Variants in DAB1 observed in about 807,000 individuals in gnomAD.
DAB1 encodes disabled homolog 1.
Under a neutral mutation model 64.6 loss-of-function variants are expected in DAB1, and 15 were observed. That is an observed-to-expected ratio of 0.23 (90% CI 0.16 to 0.36). DAB1 has a LOEUF of 0.36. Among genes scored for constraint, DAB1 ranks in the 10% least tolerant of loss-of-function variants. The pLI, the probability that DAB1 is intolerant of heterozygous loss-of-function variation, is 1.00. For synonymous variants in DAB1, 235 were observed against 251.9 expected (o/e 0.93, Z 0.64); for missense variants, 596 against 706.7 (o/e 0.84, Z 1.78).
At chr1:58,186,299 G>T (rs1657072476) in intron 4 of DAB1, among the ~76,000 whole-genome samples, 1 of 152,182 alleles carries the variant, frequency 6.6e-6, no homozygotes, top group African/African-American at 2.4e-5. Flanking sequence ...CCATAGTGTT[G>T]TTAATGGTAT....
chr1:58,057,403 C>G (rs1648195449), intron 5 of DAB1, among the ~76,000 whole-genome samples: 1 of 152,190 alleles, frequency 6.6e-6, no homozygotes, highest in South Asian at 2.1e-4. Context: ...CGAGGCCATA[C>G]TGGATTAGGG....
At chr1:57,190,101 C>G (rs1230614097) in intron 2 of DAB1, among the ~76,000 whole-genome samples, 2 of 152,166 alleles carry the variant, frequency 1.3e-5, no homozygotes, top group Non-Finnish European at 2.9e-5. Flanking sequence ...GCATTAGAAT[C>G]ACCTGGAGGG....
chr1:57,668,824 AAG>A (rs1646477693), intron 6 of DAB1, among the ~76,000 whole-genome samples: 1 of 152,108 alleles, frequency 6.6e-6, no homozygotes, highest in Non-Finnish European at 1.5e-5. Flanking sequence ...CCGATCCCTG[AAG>A]AGTTTTTGGA....
chr1:57,404,462 T>G (rs1434149289), intron 1 of DAB1, among the ~76,000 whole-genome samples: 1 of 152,190 alleles, frequency 6.6e-6, no homozygotes, highest in East Asian at 1.9e-4. Context: ...CAAGATTAAG[T>G]GAAGGAAGAA....
intron 3 of DAB1, among the ~76,000 whole-genome samples, chr1:58,360,652 A>G (rs1644156266): frequency 6.6e-6 from 1 of 152,146 alleles, no homozygotes; most frequent in Admixed American, 6.5e-5. Flanking sequence ...AGAGACACAC[A>G]GCAAAAGGGT....
chr1:57,278,917 G>A (rs1671680277), intron 2 of DAB1, among the ~76,000 whole-genome samples: 1 of 152,182 alleles, frequency 6.6e-6, no homozygotes, highest in Non-Finnish European at 1.5e-5. Flanking sequence ...GGAATGATCT[G>A]AATGAGAAAA....
chr1:58,213,202 A>G (rs1658647974), intron 4 of DAB1, among the ~76,000 whole-genome samples: 2 of 152,308 alleles, frequency 1.3e-5, no homozygotes, highest in Admixed American at 1.3e-4. Context: ...CAGGCAACTG[A>G]TTCTTTTGTT....
intron 5 of DAB1, among the ~76,000 whole-genome samples, chr1:57,974,035 C>G (rs576343199): frequency 4.4e-4 from 67 of 152,248 alleles, no homozygotes; most frequent in African/African-American, 1.6e-3. Context: ...TATTTCACCC[C>G]ACCCCTGCCT....
intron 1 of DAB1, among the ~76,000 whole-genome samples, chr1:57,341,627 T>G (rs779349078): frequency 6.6e-6 from 1 of 152,208 alleles, no homozygotes; most frequent in African/African-American, 2.4e-5. Flanking sequence ...AAAACTCTTT[T>G]GATTTTTTTT....
At chr1:57,566,179 G>C (rs1645117996) in intron 7 of DAB1, among the ~76,000 whole-genome samples, 2 of 152,040 alleles carry the variant, frequency 1.3e-5, no homozygotes, top group Non-Finnish European at 2.9e-5. Context: ...ATGACTACTG[G>C]GTACATAACA....
At chr1:58,256,733 C>CA (rs1254482111) in intron 4 of DAB1, among the ~76,000 whole-genome samples, 3 of 150,338 alleles carry the variant, frequency 2.0e-5, no homozygotes, top group Admixed American at 6.6e-5. Flanking sequence ...TCCATAGCCC[C>CA]AAAATCTATA....
intron 4 of DAB1, among the ~76,000 whole-genome samples, chr1:58,332,046 C>G (rs1662981409): frequency 6.6e-6 from 1 of 152,164 alleles, no homozygotes; most frequent in Non-Finnish European, 1.5e-5. Flanking sequence ...TTCTTCAGCT[C>G]CCATTTACTC....
chr1:58,245,537 C>A (rs1007863211), intron 4 of DAB1, among the ~76,000 whole-genome samples: 7 of 152,258 alleles, frequency 4.6e-5, no homozygotes, highest in South Asian at 2.1e-4. Context: ...AGATGCCCTG[C>A]CTCTGGGTGC....
At chr1:57,293,264 C>T (rs1233526469) in intron 1 of DAB1, among the ~76,000 whole-genome samples, 2 of 152,128 alleles carry the variant, frequency 1.3e-5, no homozygotes, top group African/African-American at 2.4e-5. Context: ...TTCAAAGAGA[C>T]ATCACAGGCA....
intron 4 of DAB1, among the ~76,000 whole-genome samples, chr1:57,098,156 ATTTCCCATT>A (rs1654345300): frequency 6.6e-6 from 1 of 152,150 alleles, no homozygotes; most frequent in Admixed American, 6.5e-5. Flanking sequence ...GTGGGAAAAA[ATTTCCCATT>A]TTGATTATTC....
chr1:57,200,035 A>G (rs866446004), intron 2 of DAB1, among the ~76,000 whole-genome samples: 1 of 152,302 alleles, frequency 6.6e-6, no homozygotes. Context: ...GGTGACTGAA[A>G]CCACTATTCC....
Position 57,211,588 on chromosome 1 carries a change from T to C in DAB1, c.68-66159A>G, listed in dbSNP as rs147473827. On this transcript the variant is annotated intron_variant, in intron 2 of 14. Coordinates refer to ENST00000371236, the MANE Select transcript of DAB1 (RefSeq NM_001365792.1). ...TTTACCTGCAAACTGGGATGATGGA[T>C]ATACTTACTTCAGTGTTGTGGAAAC... Among the ~76,000 whole-genome samples, 127 of 152,240 alleles carry C rather than the reference T, an allele frequency of 8.3e-4. 1 individual carries two copies. Among genetic ancestry groups the C allele is most frequent in the African/African-American group, 2.8e-3 (118 of 41,544 alleles).
intron 7 of DAB1, among the ~76,000 whole-genome samples, chr1:57,604,218 C>T (rs1645608012): frequency 6.6e-6 from 1 of 152,192 alleles, no homozygotes; most frequent in South Asian, 2.1e-4. Context: ...CAAGTCTAGG[C>T]TCCAAAACCT....
At chr1:58,413,638 G>C (rs1290723571) in intron 3 of DAB1, among the ~76,000 whole-genome samples, 1 of 152,172 alleles carries the variant, frequency 6.6e-6, no homozygotes, top group Non-Finnish European at 1.5e-5. Context: ...TCTGCGTTGA[G>C]TGAGAATGCC....
Sources: gnomAD v4.1 joint callset for allele counts (sites outside exome capture counted in the v4.1 genomes callset) on GRCh38, gnomAD v4.1.1 for gene constraint, MANE v1.5 for transcripts, NCBI Gene and HGNC (gene_info 2026-07-23, HGNC 2026-07-21) for gene names.